Variants in ROBO1 observed in about 807,000 individuals in gnomAD.
ROBO1 encodes the protein roundabout guidance receptor 1.
In ROBO1, 149 loss-of-function variants were observed where a neutral mutation model predicts 195.9. The ratio of observed to expected loss-of-function variants is 0.76; its 90% confidence interval spans 0.67 to 0.87. The LOEUF (loss-of-function observed/expected upper bound fraction) is 0.87, where lower values mean the gene tolerates loss of function less well. Among genes scored for constraint, ROBO1 ranks in the 40% least tolerant of loss-of-function variants. The pLI, the probability that ROBO1 is intolerant of heterozygous loss-of-function variation, is 0.00. For synonymous variants in ROBO1, 816 were observed against 733.2 expected, an observed-to-expected ratio of 1.11 and a Z score of -1.82; for missense variants, 1,933 against 2,068.3, an observed-to-expected ratio of 0.93 and a Z score of 1.27.
chr3:79,454,783 A>T (rs2039562635), intron 2 of ROBO1, among the ~76,000 whole-genome samples: 1 of 152,108 alleles, frequency 6.6e-6, no homozygotes, highest in South Asian at 2.1e-4. Context: ...GTTTCTTCAG[A>T]ATCAGTTGAA....
At chr3:79,223,120 G>C (rs1482712199) in intron 2 of ROBO1, among the ~76,000 whole-genome samples, 1 of 152,078 alleles carries the variant, frequency 6.6e-6, no homozygotes. Flanking sequence ...TGAATTTCCT[G>C]CTCAATTTTG....
At chr3:79,117,025 G>A (rs548792766) in intron 3 of ROBO1, among the ~76,000 whole-genome samples, 21 of 152,106 alleles carry the variant, frequency 1.4e-4, no homozygotes, top group Non-Finnish European at 2.8e-4. Context: ...CCTCTTCTAA[G>A]AGCCATAGTA....
intron 2 of ROBO1, among the ~76,000 whole-genome samples, chr3:79,381,177 C>T (rs1390600831): frequency 8.6e-5 from 13 of 151,608 alleles, no homozygotes; most frequent in African/African-American, 3.1e-4. Context: ...GCCAACATGG[C>T]GAAACCCCGT....
intron 1 of ROBO1, among the ~76,000 whole-genome samples, chr3:79,661,955 G>T (rs1287336395): frequency 1.3e-5 from 2 of 152,012 alleles, no homozygotes; most frequent in East Asian, 1.9e-4. Flanking sequence ...GAATGCCTAA[G>T]TGTAATAATC....
chr3:79,471,633 A>G (rs551532084), intron 2 of ROBO1, among the ~76,000 whole-genome samples: 1 of 152,244 alleles, frequency 6.6e-6, no homozygotes, highest in East Asian at 1.9e-4. Context: ...ATTTTCTTTG[A>G]TCAAGGTCTT....
At chr3:78,856,361 G>A (rs1262005833) in intron 4 of ROBO1, among the ~76,000 whole-genome samples, 1 of 150,190 alleles carries the variant, frequency 6.7e-6, no homozygotes, top group African/African-American at 2.4e-5. Flanking sequence ...TAAACAAAGT[G>A]AATAAACATG....
At chr3:78,638,269 GTATA>G (rs1473754697) in intron 22 of ROBO1, among the ~76,000 whole-genome samples, 7 of 136,668 alleles carry the variant, frequency 5.1e-5, no homozygotes, top group South Asian at 4.4e-4. Context: ...ATGTATATGT[GTATA>G]TATATACTTA....
chr3:79,104,116 G>A (rs1438280094), intron 3 of ROBO1, among the ~76,000 whole-genome samples: 1 of 151,768 alleles, frequency 6.6e-6, no homozygotes, highest in African/African-American at 2.4e-5. Flanking sequence ...TTGGCCGGAA[G>A]TAGGAGCTGG....
At chr3:79,497,382 T>A (rs1268095096) in intron 2 of ROBO1, among the ~76,000 whole-genome samples, 2 of 152,216 alleles carry the variant, frequency 1.3e-5, no homozygotes, top group Non-Finnish European at 2.9e-5. Flanking sequence ...AAAACACATA[T>A]GAAATTATTT....
At chr3:78,848,526 T>C (rs954812964) in intron 4 of ROBO1, among the ~76,000 whole-genome samples, 1 of 152,090 alleles carries the variant, frequency 6.6e-6, no homozygotes, top group Non-Finnish European at 1.5e-5. Flanking sequence ...GTCAGGGAAT[T>C]GTCTTAGCAA....
In ROBO1 at chr3:79,140,408, G is replaced by A. The variant is rs545686667; in HGVS notation, c.89-14869C>T. Among the ~76,000 whole-genome samples, 10 of 151,928 alleles carry A rather than the reference G, an allele frequency of 6.6e-5. No individual in the cohort carries two copies. The South Asian group carries it at 2.1e-3, about 32-fold the overall frequency. ...GCCACTAGCTAACCCTGTGACTTTG[G>A]GCAAGTTACATTCATTTATTTATAT... On this transcript the variant is annotated intron_variant, in intron 2 of 30. Transcript: ENST00000464233.
chr3:78,958,541 C>T (rs998590170), intron 3 of ROBO1, among the ~76,000 whole-genome samples: 2 of 152,008 alleles, frequency 1.3e-5, no homozygotes, highest in East Asian at 1.9e-4. Context: ...AAATGCCTTC[C>T]GATAAGTACC....
chr3:79,401,692 C>T (rs747003191), intron 2 of ROBO1, among the ~76,000 whole-genome samples: 34 of 151,860 alleles, frequency 2.2e-4, no homozygotes, highest in Non-Finnish European at 4.0e-4. Flanking sequence ...AGTGTACTAA[C>T]TATGCTTCTT....
intron 1 of ROBO1, among the ~76,000 whole-genome samples, chr3:79,611,051 A>T (rs1944641708): frequency 6.6e-6 from 1 of 151,998 alleles, no homozygotes; most frequent in African/African-American, 2.4e-5. Context: ...TTTGTAATAA[A>T]CTCATACTCC....
At chr3:79,472,342 G>A (rs1049792854) in intron 2 of ROBO1, among the ~76,000 whole-genome samples, 4 of 152,094 alleles carry the variant, frequency 2.6e-5, no homozygotes, top group Non-Finnish European at 5.9e-5. Context: ...CCAGAAGTCA[G>A]ATGTCCCTCT....
chr3:79,557,735 C>CAA (rs1361235757), intron 2 of ROBO1, among the ~76,000 whole-genome samples: 44 of 108,518 alleles, frequency 4.1e-4, no homozygotes, highest in South Asian at 1.3e-3. Context: ...TGTCTTAAAA[C>CAA]AAAAAAAAAT....
At chr3:79,628,571 C>T (rs1039442396) in intron 1 of ROBO1, among the ~76,000 whole-genome samples, 9 of 152,072 alleles carry the variant, frequency 5.9e-5, no homozygotes, top group Non-Finnish European at 1.3e-4. Context: ...TGTAACAAAC[C>T]TGTACGTTCT....
intron 4 of ROBO1, among the ~76,000 whole-genome samples, chr3:78,781,130 A>G (rs1040905862): frequency 6.6e-6 from 1 of 152,176 alleles, no homozygotes; most frequent in African/African-American, 2.4e-5. Context: ...ACAACAAAAC[A>G]GCACAGTAAC....
chr3:79,427,601 C>T (rs974989407), intron 2 of ROBO1, among the ~76,000 whole-genome samples: 7 of 152,112 alleles, frequency 4.6e-5, no homozygotes, highest in Non-Finnish European at 1.0e-4. Flanking sequence ...AGACATAGAC[C>T]AGTGGAACAG....
Sources: allele counts gnomAD v4.1 joint callset (sites outside exome capture counted in the v4.1 genomes callset), GRCh38; gene constraint gnomAD v4.1.1; transcripts MANE v1.5; gene names NCBI Gene and HGNC (gene_info 2026-07-23, HGNC 2026-07-21).